The following SULT1A1 variants were observed in gnomAD, a reference collection of about 807,000 sequenced individuals.
SULT1A1 encodes sulfotransferase 1A1.
In SULT1A1, 35 loss-of-function variants were observed where a neutral mutation model predicts 36.8. The observed-to-expected ratio is 0.95, with a 90% CI of 0.73 to 1.26. The LOEUF is 1.26. Ranked by LOEUF, SULT1A1 falls within the 50% of genes most tolerant of loss-of-function variation. The pLI is 0.00. For missense variants in SULT1A1, 309 were observed against 383.0 expected (o/e 0.81, Z 1.61); for synonymous variants, 119 against 146.0 (o/e 0.82, Z 1.33).
At position 28,605,880 on chromosome 16, in the gene SULT1A1, C is replaced by T. The variant is rs757696052; in HGVS notation, c.829G>A (p.Asp277Asn). 1.2e-5 allele frequency: 19 copies of T among 1,609,576 alleles called. No individual in the cohort carries two copies. The highest frequency in any genetic ancestry group is 5.0e-5 in the Admixed American group (3 of 59,788). ...GCCATCTTCTCCGCATAGTCCGCAT[C>T]GAAGCGCTCATTCTGCGCCACGGTG... ...TFTVAQNERFDADYAEKMAGC... is the reference protein window; with the variant it reads ...TFTVAQNERFNADYAEKMAGC... The change falls in exon 8 of 8, where the codon GAT (aspartate) becomes AAT (asparagine). Residue 277 changes from aspartate to asparagine, a missense_variant. Physicochemically the swap from Asp to Asn is conservative, Grantham distance 23. Around this residue, in one of 3 missense-constraint regions of SULT1A1, gnomAD observed 67 missense variants for 122.0 expected, o/e 0.55. Transcript: ENST00000314752.
At chr16:28,619,344 G>A (rs2047606040) in intron 2 of SULT1A1, among the ~76,000 whole-genome samples, 1 of 152,150 alleles carries the variant, frequency 6.6e-6, no homozygotes, top group African/African-American at 2.4e-5. Flanking sequence ...TTCATGAGAA[G>A]TATAGACACT....
rs1160968212 is a variant in SULT1A1 at position 28,605,817 on chromosome 16, C to T, written c.*4G>A. On this transcript the variant is annotated 3_prime_UTR_variant, in exon 8 of 8. Transcript: ENST00000314752. ...TCCCTCTGCAGTGACTCCAGGAGCCCCTCTCACAGCTCAGAGCGGAAGCTG... is the reference window on the plus strand; with the variant it reads ...TCCCTCTGCAGTGACTCCAGGAGCCTCTCTCACAGCTCAGAGCGGAAGCTG... 1.2e-6 allele frequency: 2 copies of T among 1,609,326 alleles called. No individual in the cohort carries two copies. The highest frequency in any genetic ancestry group is 4.5e-5 in the East Asian group (2 of 44,872).
rs1001541598 is a variant in SULT1A1, at chr16:28,608,107, G to T, written c.372+184C>A. ...GGTTCAAGTGATTCTCCTGTCTCAG[G>T]CTTCGGAGTAGCTGGGATTACAGGC... On this transcript the variant is annotated intron_variant, in intron 4 of 7. Transcript: ENST00000314752. 17 of 848,978 alleles carry T rather than the reference G, an allele frequency of 2.0e-5. 2 individuals carry two copies. Among genetic ancestry groups the T allele is most frequent in the South Asian group, 1.7e-4 (9 of 54,284 alleles). 52.6% of individuals were successfully genotyped at this position (848,978 alleles called of 1,614,324 possible).
chr16:28,610,249 A>AG (rs1234744796), upstream of SULT1A1: 2 of 298,324 alleles, frequency 6.7e-6, no homozygotes, highest in African/African-American at 5.8e-5. Context: ...TTGTTTTTGT[A>AG]GGTTTTTTTT....
At chr16:28,616,793 T>TA (rs2047556305) in intron 2 of SULT1A1, among the ~76,000 whole-genome samples, 1 of 152,170 alleles carries the variant, frequency 6.6e-6, no homozygotes, top group South Asian at 2.1e-4. Flanking sequence ...TGCAATTACC[T>TA]AACCGTGAAG....
In SULT1A1 at chr16:28,608,383, C is replaced by G; in HGVS notation, c.280G>C (p.Glu94Gln). Residue 94 changes from glutamate to glutamine, a missense_variant, in exon 4 of 8, where the codon GAG (glutamate) becomes CAG (glutamine). Physicochemically the swap from Glu to Gln is conservative, Grantham distance 29. This residue lies in a region of SULT1A1 where 219 missense variants were observed against 215.3 expected (regional missense o/e 1.02). Transcript: ENST00000314752. ...GGGGCCGGTGTGTCTTTCAGAGTCT[C>G]CATCCCTGAGCAGTGGGTCAGGGAA... The part of the protein sequence containing the change: ...FKAPGIPSGM[E>Q]TLKDTPAPRL... 6.2e-7 allele frequency: 1 copy of G among 1,612,422 alleles called. No individual in the cohort carries two copies. Among genetic ancestry groups the G allele is most frequent in the Non-Finnish European group, 8.5e-7 (1 of 1,178,724 alleles).
intron 4 of SULT1A1, chr16:28,607,425 G>A (rs138318515): frequency 1.9e-5 from 5 of 260,346 alleles, no homozygotes; most frequent in African/African-American, 8.5e-5. Context: ...AGAGTCTTAC[G>A]TTCTTGGTCA....
rs2047171565 is a variant in SULT1A1 at position 28,606,112 on chromosome 16, T to C, written c.719A>G (p.Tyr240Cys). 6.2e-7 allele frequency: 1 copy of C among 1,606,572 alleles called. No homozygotes were observed. Among genetic ancestry groups the C allele is most frequent in the African/African-American group, 1.3e-5 (1 of 74,288 alleles). The part of the protein sequence containing the change: ...KEMKKNPMTN[Y>C]TTVPQEFMDH... ...CATGAACTCCTGGGGGACGGTGGTG[T>C]AGTTGGTCATAGGGTTCTTCTTCAT... Residue 240 changes from tyrosine (Y) to cysteine (C), a missense_variant, in exon 7 of 8, where the codon TAC (tyrosine) becomes TGC (cysteine). Coordinates refer to ENST00000314752, the MANE Select transcript of SULT1A1 (RefSeq NM_001055.4).
At chr16:28,610,673 A>T (rs373960009), upstream of SULT1A1, 15 of 157,108 alleles carry the variant, frequency 9.5e-5, no homozygotes, top group East Asian at 9.5e-4. Flanking sequence ...GCTCCTGGGG[A>T]CCTCAGAGAA....
At chr16:28,623,101 A>AC (rs752286968) in intron 1 of SULT1A1, 188 of 788,624 alleles carry the variant, frequency 2.4e-4, no homozygotes, top group South Asian at 6.0e-4. Context: ...TACTGGTCCC[A>AC]CCCCCCAGGT....
intron 1 of SULT1A1, among the ~76,000 whole-genome samples, chr16:28,622,558 T>A (rs1440763428): frequency 6.6e-6 from 1 of 152,102 alleles, no homozygotes; most frequent in East Asian, 1.9e-4. Flanking sequence ...TGGGCATGAA[T>A]TTGCTGAAGA....
chr16:28,606,682 G>A (rs1180981407), intron 6 of SULT1A1, 79 bp downstream of exon 6: 2 of 1,574,494 alleles, frequency 1.3e-6, no homozygotes, highest in African/African-American at 2.7e-5. Context: ...CAGGGAGGGG[G>A]CTGGGTGGCC....
At chr16:28,609,787 G>A in intron 1 of SULT1A1, 144 bp downstream of exon 1, 1 of 925,704 alleles carries the variant, frequency 1.1e-6, no homozygotes, top group Non-Finnish European at 1.4e-6. Flanking sequence ...GGGAAGGGAG[G>A]GGGATTCACG....
chr16:28,608,712 C>T lies in SULT1A1; in HGVS notation c.144G>A (p.Lys48=). The part of the protein sequence containing the change: ...PDDLLISTYP[K]SGTTWVSQIL... ...TGGGTGGCCCTCCTCACTTACCGGA[C>T]TTGGGGTAGGTGCTGATGAGCAGGT... The change falls in exon 2 of 8, where the codon AAG becomes AAA. Residue 48 remains lysine (K), a synonymous_variant. Transcript: ENST00000314752. 1 of 1,612,838 alleles carries T rather than the reference C, an allele frequency of 6.2e-7. No homozygotes were observed. Among genetic ancestry groups the T allele is most frequent in the Non-Finnish European group, 8.5e-7 (1 of 1,179,174 alleles).
Position 28,605,513 on chromosome 16 carries a change from C to A in SULT1A1, c.*308G>T. On this transcript the variant is annotated 3_prime_UTR_variant, in exon 8 of 8. Transcript: ENST00000314752. ...TCCCAAACTCCTGTCCTCCAGTGATCCTCTAGCCTCAACTTCTCAAATTGC... is the reference window on the plus strand; with the variant it reads ...TCCCAAACTCCTGTCCTCCAGTGATACTCTAGCCTCAACTTCTCAAATTGC... 1 of 483,728 alleles carries A rather than the reference C, an allele frequency of 2.1e-6. No homozygotes were observed. Among genetic ancestry groups the A allele is most frequent in the Non-Finnish European group, 3.7e-6 (1 of 267,798 alleles). 30.0% of individuals were successfully genotyped at this position (483,728 alleles called of 1,614,324 possible). A position where few individuals can be genotyped will look rare whatever the true frequency, so the allele number is the denominator to read the frequency against.
chr16:28,608,528 A>G lies in SULT1A1; in HGVS notation c.224T>C (p.Ile75Thr). 6 of 1,612,506 alleles carry G rather than the reference A, an allele frequency of 3.7e-6. No homozygotes were observed. Among genetic ancestry groups the G allele is most frequent in the Non-Finnish European group, 5.1e-6 (6 of 1,178,708 alleles). Residue 75 changes from isoleucine (I) to threonine (T), a missense_variant, in exon 3 of 8, where the codon ATC (isoleucine) becomes ACC (threonine). Ile to Thr is a moderately conservative substitution (Grantham distance 89, BLOSUM62 -1). Coordinates refer to ENST00000314752, the MANE Select transcript of SULT1A1 (RefSeq NM_001055.4). ...GDLEKCHRAP[I>T]FMRVPFLEFK... ...CTCAAGGAAGGGCACCCGCATGAAG[A>G]TGGGAGCTCGGTGACACTTCTCCAG...
intron 2 of SULT1A1, among the ~76,000 whole-genome samples, chr16:28,617,667 G>A (rs1416316889): frequency 6.6e-6 from 1 of 151,880 alleles, no homozygotes; most frequent in African/African-American, 2.4e-5. Context: ...TCAGTCTCCT[G>A]AGTAGCTGGG....
At chr16:28,606,435 C>T (rs1455738279) in intron 6 of SULT1A1, among the ~76,000 whole-genome samples, 199 bp from the exon 7 acceptor site, 3 of 151,924 alleles carry the variant, frequency 2.0e-5, no homozygotes, top group Non-Finnish European at 4.4e-5. Context: ...ATGAGCTGGG[C>T]TTGGCTCCTA....
chr16:28,610,275 T>TTG, upstream of SULT1A1: 1 of 1,112,792 alleles, frequency 9.0e-7, no homozygotes, highest in African/African-American at 2.0e-5. Context: ...TTTTTTTTTT[T>TTG]TTTTTTTTTT....
Sources: gnomAD v4.1 joint callset for allele counts (sites outside exome capture counted in the v4.1 genomes callset) on GRCh38, gnomAD v4.1.1 for gene constraint, gnomAD v4.1.1 regional missense constraint, MANE v1.5 for transcripts, NCBI Gene and HGNC (gene_info 2026-07-23, HGNC 2026-07-21) for gene names.